The following BAG4 variants were observed in gnomAD, a reference collection of about 807,000 sequenced individuals.
BAG4 encodes the protein BAG family molecular chaperone regulator 4.
In BAG4, 28 loss-of-function variants were observed where a neutral mutation model predicts 52.1. The ratio of observed to expected loss-of-function variants is 0.54; its 90% confidence interval spans 0.40 to 0.74. The LOEUF (loss-of-function observed/expected upper bound fraction) is 0.74. Among genes scored for constraint, BAG4 ranks in the 30% least tolerant of loss-of-function variants. The pLI, the probability that BAG4 is intolerant of heterozygous loss-of-function variation, is 0.00. For synonymous variants in BAG4, 208 were observed against 217.0 expected, an observed-to-expected ratio of 0.96 and a Z score of 0.37; for missense variants, 525 against 572.0, an observed-to-expected ratio of 0.92 and a Z score of 0.84.
intron 1 of BAG4, among the ~76,000 whole-genome samples, chr8:38,177,832 C>T (rs934106759): frequency 9.2e-5 from 14 of 152,070 alleles, no homozygotes; most frequent in Non-Finnish European, 1.9e-4. Context: ...CGGACATATA[C>T]TTCTGCTTTG....
At chr8:38,177,249 C>G (rs949020274) in intron 1 of BAG4, 110 bp downstream of exon 1, 1 of 1,436,926 alleles carries the variant, frequency 7.0e-7, no homozygotes, top group South Asian at 1.3e-5. Context: ...GGGTGTGTTG[C>G]GGGGGGTGTT....
chr8:38,176,934 G>T lies in BAG4; in HGVS notation c.65G>T (p.Gly22Val), dbSNP rs1338238230. 1 of 1,553,244 alleles carries T rather than the reference G, an allele frequency of 6.4e-7. No individual in the cohort carries two copies. The highest frequency in any genetic ancestry group is 8.7e-7 in the Non-Finnish European group (1 of 1,148,730). The change falls in exon 1 of 5, where the codon GGG becomes GTG. Residue 22 changes from glycine to valine, a missense_variant. Transcript: ENST00000287322. The part of the protein sequence containing the change: ...SDGPSYGRYY[G>V]PGGGDVPVHP... ...GGTCCGTCCTACGGCCGCTACTACGGGCCTGGGGGTGGAGATGTGCCGGTA... is the reference window on the plus strand; with the variant it reads ...GGTCCGTCCTACGGCCGCTACTACGTGCCTGGGGGTGGAGATGTGCCGGTA...
chr8:38,181,219 G>A (rs868193166), intron 1 of BAG4, among the ~76,000 whole-genome samples: 1 of 144,052 alleles, frequency 6.9e-6, no homozygotes, highest in South Asian at 2.3e-4. Flanking sequence ...GTGAGCCACC[G>A]CGCCCAGCCT....
chr8:38,177,637 A>G (rs1803187257), intron 1 of BAG4, among the ~76,000 whole-genome samples: 1 of 152,188 alleles, frequency 6.6e-6, no homozygotes, highest in African/African-American at 2.4e-5. Context: ...TCGAATCATG[A>G]ATAATCAGTG....
chr8:38,194,186 T>C (rs186761661), intron 2 of BAG4, among the ~76,000 whole-genome samples: 1 of 152,230 alleles, frequency 6.6e-6, no homozygotes, highest in East Asian at 1.9e-4. Flanking sequence ...GTTATATTTA[T>C]TACCCCATTT....
chr8:38,205,160 A>G (rs1456211541), intron 2 of BAG4, among the ~76,000 whole-genome samples: 1 of 148,442 alleles, frequency 6.7e-6, no homozygotes, highest in Non-Finnish European at 1.5e-5. Context: ...CCTCCTGTGT[A>G]GCTAAGGACT....
intron 1 of BAG4, among the ~76,000 whole-genome samples, chr8:38,191,492 CT>C (rs1803473325): frequency 6.6e-6 from 1 of 152,204 alleles, no homozygotes; most frequent in Non-Finnish European, 1.5e-5. Flanking sequence ...CACAGTGTGG[CT>C]CACGCCTGTA....
At chr8:38,207,314 C>G (rs916731160) in intron 2 of BAG4, among the ~76,000 whole-genome samples, 198 bp from the exon 3 acceptor site, 2 of 151,932 alleles carry the variant, frequency 1.3e-5, no homozygotes, top group Non-Finnish European at 2.9e-5. Context: ...GTTGTCCAGG[C>G]TGGTCTCAAA....
chr8:38,207,553 C>A lies in BAG4; in HGVS notation c.420C>A (p.Tyr140Ter). The stretch of plus-strand genomic sequence containing the variant: ...CAAATGGAGCGTATGGTCCAACATA[C>A]CCCCCAGGCCCTGGGGCAAATACTG... ...SYTNGAYGPT[Y>*]PPGPGANTAS... is the part of the protein sequence containing the mutation. The change falls in exon 3 of 5, where the codon TAC becomes TAA. Residue 140 changes from tyrosine (Y) to a stop codon, truncating the protein, a stop_gained. Coordinates refer to ENST00000287322, the MANE Select transcript of BAG4 (RefSeq NM_004874.4). LOFTEE classifies it high-confidence loss of function. 1 of 1,613,132 alleles carries A rather than the reference C, an allele frequency of 6.2e-7. No homozygotes were observed. The highest frequency in any genetic ancestry group is 8.5e-7 in the Non-Finnish European group (1 of 1,179,366).
Position 38,207,832 on chromosome 8 carries a change from G to A in BAG4, c.633+66G>A. On this transcript the variant is annotated intron_variant, in intron 3 of 4. Transcript: ENST00000287322. ...TCTGCCTCTTGTAAACAGTGGAAGA[G>A]CATCTGTTCATACTAGTGCTGATTT... 9.6e-6 allele frequency: 15 copies of A among 1,568,318 alleles called. No homozygotes were observed. The South Asian group carries it at 1.3e-4, about 13-fold the overall frequency.
intron 1 of BAG4, among the ~76,000 whole-genome samples, chr8:38,181,886 C>CA (rs34268146): frequency 0.13 from 4,975 of 37,430 alleles, 926 homozygotes; most frequent in Non-Finnish European, 0.15. Flanking sequence ...GAGACTATCT[C>CA]AAAAAAAAAA....
At chr8:38,181,886 C>CAAAAAAA (rs34268146) in intron 1 of BAG4, among the ~76,000 whole-genome samples, 11 of 37,240 alleles carry the variant, frequency 3.0e-4, no homozygotes, top group South Asian at 2.1e-3. Flanking sequence ...GAGACTATCT[C>CAAAAAAA]AAAAAAAAAA....
At chr8:38,201,849 TATATATATATA>T (rs1803668526) in intron 2 of BAG4, 15 of 6,368 alleles carry the variant, frequency 2.4e-3, no homozygotes, top group Non-Finnish European at 5.1e-3. Context: ...TATATATATA[TATATATATATA>T]TATATATATA....
At chr8:38,209,363 A>G (rs773751067) in intron 4 of BAG4, 96 bp downstream of exon 4, 26 of 1,512,852 alleles carry the variant, frequency 1.7e-5, no homozygotes, top group Non-Finnish European at 2.0e-5. Context: ...TTAAATGGGG[A>G]CTAATTACAA....
At chr8:38,192,842 G>C (rs369283265) in intron 2 of BAG4, 47 bp downstream of exon 2, 10 of 1,434,278 alleles carry the variant, frequency 7.0e-6, no homozygotes, top group Non-Finnish European at 9.6e-6. Context: ...TTAATGAATA[G>C]ATTTATTTTC....
rs553034109 is a variant in BAG4 at position 38,210,513 on chromosome 8, G to A, written c.*20G>A. ...TTATGAAAGGATTTAGAACAAAGTG[G>A]AAGCCTGTTACTAACTTGACCAAAG... On this transcript the variant is annotated 3_prime_UTR_variant, in exon 5 of 5. Coordinates refer to ENST00000287322, the MANE Select transcript of BAG4 (RefSeq NM_004874.4). The A allele has an allele frequency of 1.3e-4, 205 of 1,543,588 alleles. 1 individual carries two copies. The African/African-American group carries it at 2.5e-3, about 19-fold the overall frequency.
intron 1 of BAG4, among the ~76,000 whole-genome samples, chr8:38,181,915 A>AGG (rs200737966): frequency 2.2e-5 from 3 of 134,680 alleles, no homozygotes; most frequent in East Asian, 4.6e-4. Flanking sequence ...AAAAAAAAAA[A>AGG]AGGAAGTAAG....
rs918273493 is a variant in BAG4, at chr8:38,210,904, T to C, written c.*411T>C. 1.2e-5 allele frequency: 2 copies of C among 160,148 alleles called. No homozygotes were observed. The highest frequency in any genetic ancestry group is 4.8e-5 in the African/African-American group (2 of 41,530). 9.9% of individuals were successfully genotyped at this position (160,148 alleles called of 1,614,324 possible). On this transcript the variant is annotated 3_prime_UTR_variant, in exon 5 of 5. Coordinates refer to ENST00000287322, the MANE Select transcript of BAG4 (RefSeq NM_004874.4). The stretch of plus-strand genomic sequence containing the variant: ...ATCTGGATATCTTGTCACATTTTTG[T>C]ACATTGTGACTGCTTTCAACATATA...
intron 1 of BAG4, among the ~76,000 whole-genome samples, chr8:38,179,634 C>T (rs1188232853): frequency 6.6e-6 from 1 of 151,526 alleles, no homozygotes; most frequent in African/African-American, 2.4e-5. Flanking sequence ...GGCATGGTGG[C>T]GGGCGCCTGT....
Sources: allele counts gnomAD v4.1 joint callset (sites outside exome capture counted in the v4.1 genomes callset), GRCh38; gene constraint gnomAD v4.1.1; transcripts MANE v1.5; gene names NCBI Gene and HGNC (gene_info 2026-07-23, HGNC 2026-07-21).